The following GNAO1 variants were observed in gnomAD, a reference collection of about 807,000 sequenced individuals.
GNAO1 encodes the protein G protein subunit alpha o1, also known as guanine nucleotide-binding protein G(o) subunit alpha.
For missense variants in GNAO1, 166 were observed against 478.7 expected (o/e 0.35, Z 6.10); for synonymous variants, 164 against 180.7 (o/e 0.91, Z 0.74).
chr16:56,308,106 G>A (rs2037415742), intron 3 of GNAO1: 1 of 152,236 alleles, frequency 6.6e-6, no homozygotes, highest in Admixed American at 6.5e-5. Flanking sequence ...CAGGAAAGGA[G>A]GAAGAGTGGA....
At chr16:56,200,633 A>G (rs1036488515) in intron 2 of GNAO1, among the ~76,000 whole-genome samples, 24 of 152,196 alleles carry the variant, frequency 1.6e-4, no homozygotes, top group African/African-American at 5.6e-4. Flanking sequence ...TTGTAACTCC[A>G]CACCTTTCTT....
chr16:56,208,430 TGTGTGTGTGTGTGTGTGTGC>T (rs2036351209), intron 2 of GNAO1, among the ~76,000 whole-genome samples: 1 of 98,444 alleles, frequency 1.0e-5, no homozygotes, highest in Admixed American at 1.0e-4. Context: ...TGTGTGTGTG[TGTGTGTGTGTGTGTGTGTGC>T]GCGCGCGCGC....
intron 2 of GNAO1, among the ~76,000 whole-genome samples, chr16:56,260,226 G>A (rs961424868): frequency 2.6e-5 from 4 of 152,148 alleles, no homozygotes; most frequent in Admixed American, 1.3e-4. Flanking sequence ...CCCAGCTCTC[G>A]CTACTGTGGC....
At chr16:56,212,232 G>A (rs1997513) in intron 2 of GNAO1, among the ~76,000 whole-genome samples, 1,863 of 152,332 alleles carry the variant, frequency 0.012, 32 homozygotes, top group Non-Finnish European at 0.022. Flanking sequence ...AGTCACATGC[G>A]TTACCAAAAG....
intron 3 of GNAO1, among the ~76,000 whole-genome samples, chr16:56,283,379 C>T (rs1425706509): frequency 1.3e-5 from 2 of 152,160 alleles, no homozygotes; most frequent in Admixed American, 1.3e-4. Context: ...CACCAGGGGC[C>T]TTCACTGGAG....
chr16:56,198,575 A>G (rs1368778747), intron 2 of GNAO1, among the ~76,000 whole-genome samples: 1 of 152,240 alleles, frequency 6.6e-6, no homozygotes, highest in African/African-American at 2.4e-5. Flanking sequence ...CACAAGGCCC[A>G]TAACATTTGG....
intron 3 of GNAO1, among the ~76,000 whole-genome samples, chr16:56,288,284 G>T (rs970535521): frequency 8.5e-4 from 129 of 152,240 alleles, no homozygotes; most frequent in African/African-American, 2.8e-3. Context: ...GACAGCCTCA[G>T]TGATTCCAGA....
chr16:56,227,921 A>G (rs1240384953), intron 2 of GNAO1, among the ~76,000 whole-genome samples: 4 of 152,138 alleles, frequency 2.6e-5, no homozygotes, highest in East Asian at 3.9e-4. Flanking sequence ...GCTGGAGCTG[A>G]GTGGAAGCTG....
At chr16:56,286,670 C>T (rs2037172431) in intron 3 of GNAO1, among the ~76,000 whole-genome samples, 1 of 151,808 alleles carries the variant, frequency 6.6e-6, no homozygotes, top group Non-Finnish European at 1.5e-5. Flanking sequence ...CTCTCTCTCT[C>T]AGTCTCTTTC....
intron 6 of GNAO1, among the ~76,000 whole-genome samples, chr16:56,343,579 G>T: frequency 6.6e-6 from 1 of 151,572 alleles, no homozygotes; most frequent in African/African-American, 2.4e-5. Flanking sequence ...CTGTCCCACT[G>T]ACTGGATCCA....
intron 3 of GNAO1, among the ~76,000 whole-genome samples, chr16:56,319,916 C>T (rs1181329812): frequency 6.6e-6 from 1 of 152,172 alleles, no homozygotes; most frequent in Non-Finnish European, 1.5e-5. Context: ...ATAGGGGGTT[C>T]TCTGGAGCCT....
intron 6 of GNAO1, among the ~76,000 whole-genome samples, chr16:56,338,502 C>T (rs1359282189): frequency 6.6e-6 from 1 of 152,262 alleles, no homozygotes; most frequent in South Asian, 2.1e-4. Flanking sequence ...GCTATTACGG[C>T]CACTGCTCCA....
chr16:56,223,222 C>T (rs1438515690), intron 2 of GNAO1, among the ~76,000 whole-genome samples: 2 of 152,196 alleles, frequency 1.3e-5, no homozygotes, highest in East Asian at 1.9e-4. Flanking sequence ...AATTCAATGC[C>T]TGCCGTTATA....
intron 2 of GNAO1, among the ~76,000 whole-genome samples, chr16:56,251,394 G>A (rs1346710441): frequency 6.6e-6 from 1 of 152,208 alleles, no homozygotes; most frequent in East Asian, 1.9e-4. Context: ...TTCTGTAAGT[G>A]AAATCAAGTT....
chr16:56,303,746 C>T (rs1294450279), intron 3 of GNAO1, among the ~76,000 whole-genome samples: 3 of 152,156 alleles, frequency 2.0e-5, no homozygotes, highest in Admixed American at 1.3e-4. Context: ...CTCTTGTCCC[C>T]GGCAGTCACT....
intron 4 of GNAO1, among the ~76,000 whole-genome samples, chr16:56,333,779 C>T (rs1330284370): frequency 1.3e-5 from 2 of 152,256 alleles, no homozygotes; most frequent in African/African-American, 4.8e-5. Context: ...AGCCTGGGAC[C>T]CCACATCGTT....
chr16:56,229,844 C>A (rs1349645062), intron 2 of GNAO1, among the ~76,000 whole-genome samples: 2 of 152,040 alleles, frequency 1.3e-5, no homozygotes, highest in African/African-American at 4.8e-5. Context: ...GTGGAATGAA[C>A]GAAATCCTAG....
chr16:56,265,443 C>T (rs1361428895), intron 2 of GNAO1, among the ~76,000 whole-genome samples: 1 of 152,242 alleles, frequency 6.6e-6, no homozygotes, highest in Non-Finnish European at 1.5e-5. Flanking sequence ...ACTTCATAAA[C>T]AGCTGTTAAA....
chr16:56,226,636 T>C (rs1241551550), intron 2 of GNAO1: 6 of 152,262 alleles, frequency 3.9e-5, no homozygotes, highest in African/African-American at 9.6e-5. Flanking sequence ...GGTTTTGCTC[T>C]GGCCATGTTA....
Sources: gnomAD v4.1 joint callset for allele counts (sites outside exome capture counted in the v4.1 genomes callset) on GRCh38, gnomAD v4.1.1 for gene constraint, MANE v1.5 for transcripts, NCBI Gene and HGNC (gene_info 2026-07-23, HGNC 2026-07-21) for gene names.